LRP1B: variants seen among roughly 807,000 people sequenced by gnomAD.
LRP1B encodes the protein LDL receptor related protein 1B.
In LRP1B, 217 loss-of-function variants were observed where a neutral mutation model predicts 556.6. That is an observed-to-expected ratio of 0.39 (90% confidence interval 0.35 to 0.44). The LOEUF is 0.44. LRP1B is among the 20% of genes least tolerant of loss of function. LRP1B has a pLI of 1.00. For missense variants in LRP1B, 5,053 were observed against 5,620.8 expected, an observed-to-expected ratio of 0.90 and a Z score of 3.23; for synonymous variants, 2,047 against 1,865.8, an observed-to-expected ratio of 1.10 and a Z score of -2.50.
intron 1 of LRP1B, among the ~76,000 whole-genome samples, chr2:141,921,356 A>G (rs2104973810): frequency 1.3e-5 from 2 of 152,156 alleles, no homozygotes; most frequent in South Asian, 4.1e-4. Context: ...TGTGCAGAAT[A>G]TTGTCCATGA....
chr2:141,927,987 T>G (rs879437902), intron 1 of LRP1B, among the ~76,000 whole-genome samples: 5 of 150,888 alleles, frequency 3.3e-5, no homozygotes, highest in Non-Finnish European at 5.9e-5. Context: ...TTCTACCATC[T>G]ACCATGCATC....
At chr2:141,401,824 C>T (rs896624630) in intron 3 of LRP1B, among the ~76,000 whole-genome samples, 1 of 152,076 alleles carries the variant, frequency 6.6e-6, no homozygotes, top group Non-Finnish European at 1.5e-5. Context: ...ACAAGGACTG[C>T]AGCCTTAATT....
At chr2:141,452,350 T>C (rs535329664) in intron 3 of LRP1B, among the ~76,000 whole-genome samples, 11 of 152,324 alleles carry the variant, frequency 7.2e-5, no homozygotes, top group African/African-American at 2.6e-4. Context: ...TGCTGAATAT[T>C]GGTAATGCCT....
chr2:142,112,549 A>G (rs1444256451), intron 1 of LRP1B, among the ~76,000 whole-genome samples: 1 of 152,142 alleles, frequency 6.6e-6, no homozygotes, highest in Non-Finnish European at 1.5e-5. Context: ...AAGATGTCAT[A>G]AAATCAGAGG....
chr2:142,064,222 T>G (rs746027877), intron 1 of LRP1B, among the ~76,000 whole-genome samples: 4 of 151,536 alleles, frequency 2.6e-5, no homozygotes, highest in Non-Finnish European at 5.9e-5. Flanking sequence ...CACCTATCTG[T>G]ACTCTATTTT....
At chr2:141,995,970 T>C (rs1233719367) in intron 1 of LRP1B, among the ~76,000 whole-genome samples, 1 of 152,126 alleles carries the variant, frequency 6.6e-6, no homozygotes, top group Admixed American at 6.6e-5. Flanking sequence ...AAGTTATAAG[T>C]AGGCAGGAAG....
At chr2:140,350,298 T>A (rs1176612759) in intron 77 of LRP1B, among the ~76,000 whole-genome samples, 2 of 152,068 alleles carry the variant, frequency 1.3e-5, no homozygotes, top group African/African-American at 4.8e-5. Flanking sequence ...ACAATATTTC[T>A]GTTTTGGATA....
intron 37 of LRP1B, among the ~76,000 whole-genome samples, chr2:140,710,805 C>T (rs961910): frequency 0.013 from 1,911 of 152,044 alleles, 80 homozygotes; most frequent in Admixed American, 0.071. Flanking sequence ...CTGGATGTAG[C>T]GGCAAATAAA....
intron 7 of LRP1B, among the ~76,000 whole-genome samples, chr2:141,154,274 G>A (rs1702012758): frequency 6.6e-6 from 1 of 151,858 alleles, no homozygotes; most frequent in African/African-American, 2.4e-5. Flanking sequence ...TTTTGAACCA[G>A]AAATCATCTT....
intron 7 of LRP1B, among the ~76,000 whole-genome samples, chr2:141,130,466 A>C (rs11677400): frequency 0.76 from 115,697 of 151,878 alleles, 44,432 homozygotes; most frequent in Middle Eastern, 0.85. Flanking sequence ...TGTGTTACAT[A>C]CCATGTAATT....
intron 35 of LRP1B, among the ~76,000 whole-genome samples, chr2:140,722,676 T>G (rs1481292298): frequency 2.6e-5 from 4 of 152,214 alleles, no homozygotes; most frequent in African/African-American, 9.6e-5. Flanking sequence ...AATGTAAAGC[T>G]TCCCTTTACT....
intron 3 of LRP1B, among the ~76,000 whole-genome samples, chr2:141,267,067 T>C (rs1684917278): frequency 6.6e-6 from 1 of 152,216 alleles, no homozygotes; most frequent in Non-Finnish European, 1.5e-5. Context: ...TTAAACACAG[T>C]AATTCAGTAG....
chr2:140,343,199 T>C (rs555601956), intron 77 of LRP1B, among the ~76,000 whole-genome samples: 2 of 151,720 alleles, frequency 1.3e-5, no homozygotes, highest in African/African-American at 4.8e-5. Context: ...CTTCACAGTA[T>C]AGAAAATACA....
chr2:141,127,125 C>T (rs1701235081), intron 7 of LRP1B, among the ~76,000 whole-genome samples: 1 of 151,946 alleles, frequency 6.6e-6, no homozygotes, highest in Non-Finnish European at 1.5e-5. Context: ...TTTTCTATGC[C>T]TGTGTTAGCT....
intron 3 of LRP1B, among the ~76,000 whole-genome samples, chr2:141,339,884 T>A (rs2714226): frequency 0.6 from 91,210 of 151,540 alleles, 28,312 homozygotes; most frequent in African/African-American, 0.68. Flanking sequence ...CATCACCAGA[T>A]CAGTGAACAT....
In LRP1B at chr2:140,444,349, C is replaced by T. The variant is rs1686560757; in HGVS notation, c.10275G>A (p.Glu3425=). The T allele has an allele frequency of 6.2e-7, 1 of 1,613,752 alleles. No homozygotes were observed. The highest frequency in any genetic ancestry group is 8.5e-7 in the Non-Finnish European group (1 of 1,179,880). Residue 3425 remains glutamate (E), a synonymous_variant, in exon 65 of 91, where the codon GAG becomes GAA. Coordinates refer to ENST00000389484, the MANE Select transcript of LRP1B (RefSeq NM_018557.3). ...ACTTACGACAGTCTCTTTCATCTTCCTCATCACCACAGTCATCTTGCCCAT... is the reference window on the plus strand; with the variant it reads ...ACTTACGACAGTCTCTTTCATCTTCTTCATCACCACAGTCATCTTGCCCAT... ...RCNGQDDCGD[E]EDERDCPENS...
intron 77 of LRP1B, among the ~76,000 whole-genome samples, chr2:140,337,294 CAACTTT>C (rs2105089955): frequency 6.6e-6 from 1 of 151,928 alleles, no homozygotes; most frequent in South Asian, 2.1e-4. Context: ...CCCTATTTCT[CAACTTT>C]AACAATAAAT....
At chr2:140,389,261 T>A (rs1203597884) in intron 66 of LRP1B, among the ~76,000 whole-genome samples, 1 of 151,998 alleles carries the variant, frequency 6.6e-6, no homozygotes, top group Non-Finnish European at 1.5e-5. Context: ...TAATGTAATA[T>A]TATTGGTGTT....
chr2:141,165,021 T>C (rs987887529), intron 7 of LRP1B, among the ~76,000 whole-genome samples: 2 of 152,034 alleles, frequency 1.3e-5, no homozygotes, highest in Non-Finnish European at 2.9e-5. Context: ...AGAATCCAGC[T>C]TCTCAATAAA....
Sources: allele counts gnomAD v4.1 joint callset (sites outside exome capture counted in the v4.1 genomes callset), GRCh38; gene constraint gnomAD v4.1.1; transcripts MANE v1.5; gene names NCBI Gene and HGNC (gene_info 2026-07-23, HGNC 2026-07-21).